TPTE2: variants seen among roughly 807,000 people sequenced by gnomAD.
TPTE2 encodes the protein transmembrane phosphoinositide 3-phosphatase and tensin homolog 2.
Under a neutral mutation model 78.6 loss-of-function variants are expected in TPTE2, and 53 were observed. That is an observed-to-expected ratio of 0.67 (90% confidence interval 0.54 to 0.85). The LOEUF (loss-of-function observed/expected upper bound fraction) is 0.85. Among genes scored for constraint, TPTE2 ranks in the 40% least tolerant of loss-of-function variants. The probability of loss-of-function intolerance (pLI) is 0.00; values close to 1 mark genes in which losing one functional copy is unlikely to be tolerated. For missense variants in TPTE2, 461 were observed against 623.0 expected (o/e 0.74, Z 2.77); for synonymous variants, 175 against 206.2 (o/e 0.85, Z 1.30).
intron 18 of TPTE2, 43 bp from the exon 22 acceptor site, chr13:19,425,060 C>G: frequency 1.0e-6 from 1 of 968,554 alleles, no homozygotes. Context: ...ACACCAGGAA[C>G]TAATCATTCC....
the TPTE2 span, among the ~76,000 whole-genome samples, chr13:19,554,043 ATCTT>A: frequency 9.2e-5 from 14 of 152,154 alleles, no homozygotes; most frequent in South Asian, 2.9e-3. Context: ...AACATTTTTG[ATCTT>A]TCTTATTTTT....
At chr13:19,430,856 G>T (rs1876531292) in intron 16 of TPTE2, among the ~76,000 whole-genome samples, 1 of 152,132 alleles carries the variant, frequency 6.6e-6, no homozygotes, top group Non-Finnish European at 1.5e-5. Flanking sequence ...GCCGGGCATG[G>T]TGGCTCACAC....
chr13:19,479,425 G>A (rs972327410), intron 4 of TPTE2, among the ~76,000 whole-genome samples: 1 of 151,958 alleles, frequency 6.6e-6, no homozygotes, highest in African/African-American at 2.4e-5. Context: ...CTTCTGACTT[G>A]CATATCAATA....
chr13:19,448,755 T>G (rs1273123212), intron 13 of TPTE2, among the ~76,000 whole-genome samples: 3 of 152,112 alleles, frequency 2.0e-5, no homozygotes, highest in African/African-American at 4.8e-5. Flanking sequence ...AGCACTGAGA[T>G]TCCTCAAAAA....
intron 1 of TPTE2, among the ~76,000 whole-genome samples, chr13:19,532,141 C>T (rs986959118): frequency 1.3e-5 from 2 of 152,138 alleles, no homozygotes; most frequent in East Asian, 1.9e-4. Context: ...ATTAAACAGG[C>T]CTCCCAGCCA....
chr13:19,452,977 T>TTTTA (rs1878275918), intron 10 of TPTE2, among the ~76,000 whole-genome samples: 7 of 78,418 alleles, frequency 8.9e-5, no homozygotes, highest in African/African-American at 2.5e-4. Context: ...TTTTATTTTA[T>TTTTA]TTTATTTTAT....
At chr13:19,522,501 G>T (rs1208084024) in intron 1 of TPTE2, among the ~76,000 whole-genome samples, 1 of 151,992 alleles carries the variant, frequency 6.6e-6, no homozygotes, top group Non-Finnish European at 1.5e-5. Context: ...AGATGGAAAA[G>T]ACATTAAATT....
intron 1 of TPTE2, among the ~76,000 whole-genome samples, chr13:19,495,749 C>T (rs556470945): frequency 6.6e-6 from 1 of 152,354 alleles, no homozygotes; most frequent in African/African-American, 2.4e-5. Context: ...ATACACAGGG[C>T]ACTGCCAAAG....
At chr13:19,482,865 G>T (rs1393018883) in intron 3 of TPTE2, among the ~76,000 whole-genome samples, 1 of 151,052 alleles carries the variant, frequency 6.6e-6, no homozygotes, top group Non-Finnish European at 1.5e-5. Context: ...AATAATATAG[G>T]TATAGACATA....
intron 4 of TPTE2, among the ~76,000 whole-genome samples, chr13:19,479,478 T>C (rs1201929037): frequency 6.6e-6 from 1 of 151,984 alleles, no homozygotes; most frequent in African/African-American, 2.4e-5. Flanking sequence ...TAGCAAAATA[T>C]AGACAAATTT....
rs866345581 is a variant in TPTE2 at position 19,501,540 on chromosome 13, A to C, written c.11+1684T>G. 6.4e-3 allele frequency among the ~76,000 whole-genome samples: 955 copies of C among 149,590 alleles called. 16 individuals are homozygous for C. Among genetic ancestry groups the C allele is most frequent in the African/African-American group, 0.022 (914 of 40,650 alleles). On this transcript the variant is annotated intron_variant, in intron 1 of 19. Coordinates refer to ENST00000400230, the Ensembl canonical transcript of TPTE2. The stretch of plus-strand genomic sequence containing the variant: ...GATCTTTGACAAACCTGAGAAAAAC[A>C]AGCAATGGGGAAAGGATTCCCTATT...
the TPTE2 span, among the ~76,000 whole-genome samples, chr13:19,555,542 T>C: frequency 0.011 from 1,643 of 152,322 alleles, 30 homozygotes; most frequent in African/African-American, 0.037. Context: ...GTGTAGCATA[T>C]TCAAACAGTA....
At chr13:19,424,837 T>C in intron 19 of TPTE2, 110 bp downstream of exon 22, 1 of 710,522 alleles carries the variant, frequency 1.4e-6, no homozygotes, top group Non-Finnish European at 2.3e-6. Flanking sequence ...CAGGGATTTT[T>C]TGCTTTCTAT....
the TPTE2 span, among the ~76,000 whole-genome samples, chr13:19,550,524 C>T: frequency 6.6e-6 from 1 of 152,134 alleles, no homozygotes; most frequent in Non-Finnish European, 1.5e-5. Flanking sequence ...GAAACAAACT[C>T]CCTCACAATG....
chr13:19,485,396 T>C (rs190194366), intron 3 of TPTE2, among the ~76,000 whole-genome samples: 2 of 152,216 alleles, frequency 1.3e-5, no homozygotes, highest in East Asian at 3.9e-4. Flanking sequence ...TCTTCTAGCC[T>C]AAGGTTTCTG....
intron 13 of TPTE2, among the ~76,000 whole-genome samples, chr13:19,444,795 G>A (rs1466400073): frequency 1.3e-5 from 2 of 152,184 alleles, no homozygotes; most frequent in Non-Finnish European, 2.9e-5. Flanking sequence ...CAGTAAGATA[G>A]TTGTGCTATT....
upstream of TPTE2, among the ~76,000 whole-genome samples, chr13:19,539,599 C>T (rs1871380353): frequency 1.3e-5 from 2 of 152,154 alleles, no homozygotes; most frequent in South Asian, 4.1e-4. Context: ...AAAACCATAG[C>T]ACTGATTTTA....
intron 17 of TPTE2, among the ~76,000 whole-genome samples, chr13:19,428,013 A>T (rs1462381493): frequency 6.6e-6 from 1 of 152,246 alleles, no homozygotes; most frequent in Non-Finnish European, 1.5e-5. Flanking sequence ...GCTAGTTAAC[A>T]GAAGGTGCAG....
intron 10 of TPTE2, among the ~76,000 whole-genome samples, chr13:19,461,333 C>T (rs1411548917): frequency 6.6e-6 from 1 of 151,900 alleles, no homozygotes; most frequent in Non-Finnish European, 1.5e-5. Flanking sequence ...TTATGAGGTA[C>T]ACAGGGATAT....
Sources: allele counts gnomAD v4.1 joint callset (sites outside exome capture counted in the v4.1 genomes callset), GRCh38; gene constraint gnomAD v4.1.1; transcripts MANE v1.5; gene names NCBI Gene and HGNC (gene_info 2026-07-23, HGNC 2026-07-21).